CREB3L4: variants seen among roughly 807,000 people sequenced by gnomAD.
CREB3L4 encodes the protein cAMP responsive element binding protein 3 like 4, also known as cyclic AMP-responsive element-binding protein 3-like protein 4.
A neutral mutation model predicts 37.0 loss-of-function variants in CREB3L4; 28 were observed. That is an observed-to-expected ratio of 0.76 (90% confidence interval 0.56 to 1.04). The LOEUF (loss-of-function observed/expected upper bound fraction) is 1.04. Among genes scored for constraint, CREB3L4 ranks in the 50% least tolerant of loss-of-function variants. CREB3L4 has a pLI of 0.00. For synonymous variants in CREB3L4, 175 were observed against 192.2 expected, an observed-to-expected ratio of 0.91 and a Z score of 0.74; for missense variants, 462 against 486.0, an observed-to-expected ratio of 0.95 and a Z score of 0.46.
chr1:153,969,061 T>A lies in CREB3L4; in HGVS notation c.306T>A (p.Pro102=). The change falls in exon 3 of 10, where the codon CCT becomes CCA. Residue 102 remains proline (P), a synonymous_variant. Transcript: ENST00000368607. ...SEDPCHPDSP[P]APRATSSPML... ...ACCCCTGCCATCCAGACAGTCCCCCTGCCCCCAGGGCAACCAGTTCTCCTA... is the reference window on the plus strand; with the variant it reads ...ACCCCTGCCATCCAGACAGTCCCCCAGCCCCCAGGGCAACCAGTTCTCCTA... 6.2e-7 allele frequency: 1 copy of A among 1,614,196 alleles called. No homozygotes were observed. The highest frequency in any genetic ancestry group is 8.5e-7 in the Non-Finnish European group (1 of 1,180,024).
In CREB3L4 at chr1:153,969,147, C is replaced by T. The variant is rs372931908; in HGVS notation, c.392C>T (p.Pro131Leu). 8 of 1,614,018 alleles carry T rather than the reference C, an allele frequency of 5.0e-6. No homozygotes were observed. The African/African-American group carries it at 1.1e-4, about 22-fold the overall frequency. The part of the protein sequence containing the change: ...ALERMQGETG[P>L]NVGLISIQLD... Reference sequence around the variant, plus strand: ...GAGAGGATGCAGGGGGAAACTGGGCCAAATGTAGGCCTTATCTCCATCCAG... The same window carrying T: ...GAGAGGATGCAGGGGGAAACTGGGCTAAATGTAGGCCTTATCTCCATCCAG... The change falls in exon 3 of 10, where the codon CCA (proline) becomes CTA (leucine). Residue 131 changes from proline (P) to leucine (L), a missense_variant. Coordinates refer to ENST00000368607, the MANE Select transcript of CREB3L4 (RefSeq NM_001255978.2).
Position 153,973,231 on chromosome 1 carries a change from GAA to G in CREB3L4, c.785_786del (p.Lys262SerfsTer63), listed in dbSNP as rs1648571471. 1 of 1,613,954 alleles carries G rather than the reference GAA, an allele frequency of 6.2e-7. No individual in the cohort carries two copies. Among genetic ancestry groups the G allele is most frequent in the African/African-American group, 1.3e-5 (1 of 74,878 alleles). On this transcript the variant is annotated frameshift_variant, in exon 7 of 10. Coordinates refer to ENST00000368607, the MANE Select transcript of CREB3L4 (RefSeq NM_001255978.2). LOFTEE classifies it high-confidence loss of function. ...GTTCTGCACAGAACCAAGAATTACAGAAAAAAGTCCAGGAGCTGGAGAGGCAC... is the reference window on the plus strand; with the variant it reads ...GTTCTGCACAGAACCAAGAATTACAGAAAAGTCCAGGAGCTGGAGAGGCAC... ...ACSAQNQELQ[K>X]KVQELERHNI...
intron 4 of CREB3L4, among the ~76,000 whole-genome samples, chr1:153,969,944 T>TG (rs1648184630): frequency 6.6e-6 from 1 of 150,850 alleles, no homozygotes; most frequent in South Asian, 2.1e-4. Context: ...TTTTTTTTTT[T>TG]TTGAGACGGA....
At chr1:153,969,476 G>C (rs1453066189) in intron 4 of CREB3L4, 21 bp downstream of exon 4, 2 of 1,613,228 alleles carry the variant, frequency 1.2e-6, no homozygotes, top group Middle Eastern at 1.7e-4. Context: ...GTGTCAGCCA[G>C]AACCACTACT....
At chr1:153,970,031 C>T (rs1037986817) in intron 4 of CREB3L4, among the ~76,000 whole-genome samples, 6 of 150,376 alleles carry the variant, frequency 4.0e-5, no homozygotes, top group African/African-American at 7.3e-5. Flanking sequence ...CGGGTTCAAG[C>T]GATTCTCCTG....
rs1361267614 is a variant in CREB3L4 at position 153,973,474 on chromosome 1, G to A, written c.897+10G>A. ...CAGCACTTGTGTTTTGGTACCATTA[G>A]TCTATCTACTCCCATCTCCCCCCAC... On this transcript the variant is annotated intron_variant, in intron 8 of 9. Transcript: ENST00000368607. The A allele has an allele frequency of 6.2e-7, 1 of 1,611,700 alleles. No homozygotes were observed. The highest frequency in any genetic ancestry group is 1.7e-5 in the Admixed American group (1 of 60,008).
chr1:153,969,610 G>A, intron 4 of CREB3L4, 155 bp downstream of exon 4: 1 of 798,132 alleles, frequency 1.3e-6, no homozygotes. Flanking sequence ...ATGAACAGTT[G>A]AACTATTTTT....
chr1:153,974,060 ATG>A lies in CREB3L4; in HGVS notation c.1186_1187del (p.Ter396SerfsTer11). ...CCGGTCCGTGCTGCATGCAGATGAG[ATG>A]TGAGCTGGAACAGACCTTCCTGGCC... Reference protein sequence around the residue: ...RIRSVLHADEM With the variant: ...RIRSVLHADEX On this transcript the variant is annotated frameshift_variant, in exon 10 of 10. Transcript: ENST00000368607. LOFTEE classifies it high-confidence loss of function. The A allele has an allele frequency of 6.2e-7, 1 of 1,613,232 alleles. No homozygotes were observed. The highest frequency in any genetic ancestry group is 8.5e-7 in the Non-Finnish European group (1 of 1,179,798).
At chr1:153,972,665 G>C (rs536761209) in intron 4 of CREB3L4, 79 bp from the exon 5 acceptor site, 19 of 1,122,332 alleles carry the variant, frequency 1.7e-5, no homozygotes, top group Non-Finnish European at 2.2e-5. Flanking sequence ...GAAGGCATGT[G>C]GGGGGAGTAG....
In CREB3L4 at chr1:153,972,756, A is replaced by AT. The variant is rs1468920954; in HGVS notation, c.556_557insT (p.Thr186IlefsTer7). ...CCCCTACCCCCAGCTGCCCTGTCAAACCCTGTTCCTGACCGATGAGGAGAA... is the reference window on the plus strand; with the variant it reads ...CCCCTACCCCCAGCTGCCCTGTCAAATCCCTGTTCCTGACCGATGAGGAGAA... On this transcript the variant is annotated frameshift_variant, in exon 5 of 10. Transcript: ENST00000368607. LOFTEE classifies it high-confidence loss of function. 4 of 1,613,438 alleles carry AT rather than the reference A, an allele frequency of 2.5e-6. No homozygotes were observed. Among genetic ancestry groups the AT allele is most frequent in the Non-Finnish European group, 3.4e-6 (4 of 1,179,818 alleles).
chr1:153,973,580 C>A, intron 8 of CREB3L4, 40 bp from the exon 9 acceptor site: 1 of 1,582,106 alleles, frequency 6.3e-7, no homozygotes, highest in Non-Finnish European at 8.7e-7. Flanking sequence ...GTTCACTCTA[C>A]CCCCTGCTCC....
At chr1:153,967,790 C>T (rs1362963097), upstream of CREB3L4, 1 of 152,238 alleles carries the variant, frequency 6.6e-6, no homozygotes, top group African/African-American at 2.4e-5. Context: ...CGATGTCCTG[C>T]CCCTCCGAAA....
chr1:153,968,633 G>T lies in CREB3L4; in HGVS notation c.108G>T (p.Glu36Asp). The change falls in exon 2 of 10, where the codon GAG becomes GAT. Residue 36 changes from glutamate (E) to aspartate (D), a missense_variant. Glu to Asp is a conservative substitution (Grantham distance 45). Coordinates refer to ENST00000368607, the MANE Select transcript of CREB3L4 (RefSeq NM_001255978.2). ...LELGLHCPPP[E>D]VPVTRLQEQG... ...TGGGACTCCACTGCCCCCCTCCAGA[G>T]GTTCCGGTAACTAGGCTACAGGAAC... The T allele has an allele frequency of 6.2e-7, 1 of 1,614,032 alleles. No homozygotes were observed.
intron 8 of CREB3L4, 55 bp from the exon 9 acceptor site, chr1:153,973,565 C>A: frequency 6.4e-7 from 1 of 1,568,280 alleles, no homozygotes; most frequent in Non-Finnish European, 8.8e-7. Context: ...CCCCAGCTGG[C>A]CTCCGTTCAC....
In CREB3L4 at chr1:153,972,815, C is replaced by T. The variant is rs200213224; in HGVS notation, c.615C>T (p.Pro205=). The T allele has an allele frequency of 1.2e-6, 2 of 1,613,816 alleles. No homozygotes were observed. Among genetic ancestry groups the T allele is most frequent in the Non-Finnish European group, 8.5e-7 (1 of 1,179,852 alleles). Residue 205 remains proline, a synonymous_variant, in exon 5 of 10, where the codon CCC becomes CCT. Transcript: ENST00000368607. ...TGGGGCAGGAAGGGGTTTCCCTGCC[C>T]TCTCACCTGCCCCTCACCAAGGTAA... is the stretch of plus-strand genomic sequence containing the variant. The part of the protein sequence containing the change: ...RLLGQEGVSL[P]SHLPLTKAEE...
In CREB3L4 at chr1:153,968,956, T is replaced by C; in HGVS notation, c.201T>C (p.Asp67=). The change falls in exon 3 of 10, where the codon GAT becomes GAC. Residue 67 remains aspartate (D), a synonymous_variant. Transcript: ENST00000368607. ...GCCTTCAAGAGAGTGAGCCTGAAGA[T>C]TTCTTGAAGCTTTTCATTGATCCCA... The part of the protein sequence containing the change: ...GCGLQESEPE[D]FLKLFIDPNE... 6.2e-7 allele frequency: 1 copy of C among 1,613,002 alleles called. No homozygotes were observed. The highest frequency in any genetic ancestry group is 8.5e-7 in the Non-Finnish European group (1 of 1,179,332).
intron 4 of CREB3L4, among the ~76,000 whole-genome samples, chr1:153,970,195 G>T (rs1282258722): frequency 6.6e-6 from 1 of 152,142 alleles, no homozygotes; most frequent in African/African-American, 2.4e-5. Context: ...CCAAAGTGCT[G>T]GGATTACAGG....
At position 153,973,983 on chromosome 1, in the gene CREB3L4, C is replaced by T; in HGVS notation, c.1106C>T (p.Thr369Ile). 6.2e-7 allele frequency: 1 copy of T among 1,614,170 alleles called. No individual in the cohort carries two copies. Among genetic ancestry groups the T allele is most frequent in the Non-Finnish European group, 8.5e-7 (1 of 1,180,028 alleles). Reference protein sequence around the residue: ...PPGAKDANGSTRTLLEKMGGK... With the variant: ...PPGAKDANGSIRTLLEKMGGK... ...GGAGCCAAGGATGCAAATGGCTCAACAAGGACACTGCTTGAGAAGATGGGA... is the reference window on the plus strand; with the variant it reads ...GGAGCCAAGGATGCAAATGGCTCAATAAGGACACTGCTTGAGAAGATGGGA... Residue 369 changes from threonine to isoleucine, a missense_variant, in exon 10 of 10, where the codon ACA (threonine) becomes ATA (isoleucine). Thr to Ile is a moderately conservative substitution (Grantham distance 89). Coordinates refer to ENST00000368607, the MANE Select transcript of CREB3L4 (RefSeq NM_001255978.2).
intron 4 of CREB3L4, among the ~76,000 whole-genome samples, chr1:153,970,461 AG>A (rs902238555): frequency 2.6e-5 from 4 of 152,234 alleles, no homozygotes; most frequent in Non-Finnish European, 5.9e-5. Flanking sequence ...ACAGGAAGAA[AG>A]AAAAGCAATA....
Sources: allele counts gnomAD v4.1 joint callset (sites outside exome capture counted in the v4.1 genomes callset), GRCh38; gene constraint gnomAD v4.1.1; transcripts MANE v1.5; gene names NCBI Gene and HGNC (gene_info 2026-07-23, HGNC 2026-07-21).